ZBTB20: variants seen among roughly 807,000 people sequenced by gnomAD.
ZBTB20 encodes the protein zinc finger and BTB domain-containing protein 20.
ZBTB20 carries 9 observed loss-of-function variants against 56.9 expected under a neutral mutation model. The observed-to-expected ratio is 0.16, with a 90% CI of 0.10 to 0.28. ZBTB20 has a LOEUF of 0.28. Ranked by LOEUF, ZBTB20 falls within the 10% of genes least tolerant of loss-of-function variation. ZBTB20 has a pLI of 1.00. For synonymous variants in ZBTB20, 417 were observed against 420.7 expected, an observed-to-expected ratio of 0.99 and a Z score of 0.11; for missense variants, 655 against 1,003.0, an observed-to-expected ratio of 0.65 and a Z score of 4.69.
chr3:115,019,023 T>A (rs747937010), intron 2 of ZBTB20, among the ~76,000 whole-genome samples: 1 of 151,258 alleles, frequency 6.6e-6, no homozygotes, highest in Non-Finnish European at 1.5e-5. Context: ...CCCCTCCAGA[T>A]TGTGTGATTT....
chr3:114,606,176 A>T (rs1044887165), intron 6 of ZBTB20, among the ~76,000 whole-genome samples: 2 of 152,222 alleles, frequency 1.3e-5, no homozygotes, highest in African/African-American at 4.8e-5. Flanking sequence ...CCTGACAATT[A>T]TCTAATCTCT....
intron 1 of ZBTB20, among the ~76,000 whole-genome samples, chr3:115,145,196 C>A (rs2084927988): frequency 6.6e-6 from 1 of 152,170 alleles, no homozygotes; most frequent in African/African-American, 2.4e-5. Context: ...ATGTGTGCAA[C>A]AACTTTGATA....
chr3:114,614,400 A>G (rs1430070901), intron 6 of ZBTB20, among the ~76,000 whole-genome samples: 1 of 152,214 alleles, frequency 6.6e-6, no homozygotes, highest in East Asian at 1.9e-4. Flanking sequence ...GGAAAAGGTA[A>G]TATGGAAAGT....
chr3:114,407,909 TGA>T (rs1204434892), intron 7 of ZBTB20, among the ~76,000 whole-genome samples: 1 of 138,768 alleles, frequency 7.2e-6, no homozygotes, highest in Non-Finnish European at 1.5e-5. Flanking sequence ...GTAACCTATA[TGA>T]GGGGGGGGAA....
intron 4 of ZBTB20, among the ~76,000 whole-genome samples, chr3:114,869,820 T>C (rs2075916453): frequency 2.0e-5 from 3 of 152,218 alleles, no homozygotes; most frequent in Admixed American, 2.0e-4. Context: ...GGAATTCCTT[T>C]CTTACAAACA....
rs116580885 is a variant in ZBTB20, at chr3:114,437,577, T to A, written c.-254-48472A>T. Among the ~76,000 whole-genome samples the A allele has an allele frequency of 2.4e-3, 359 of 152,240 alleles. 1 individual carries two copies. The highest frequency in any genetic ancestry group is 7.8e-3 in the African/African-American group (324 of 41,552). On this transcript the variant is annotated intron_variant, in intron 7 of 11. Transcript: ENST00000675478. ...GTTAGGTAAGCATCTCTCTAGATCC[T>A]TCCAACAGCCCTGAAGATATTATTA...
chr3:114,510,862 C>T (rs1008429831), intron 6 of ZBTB20, among the ~76,000 whole-genome samples: 1 of 152,044 alleles, frequency 6.6e-6, no homozygotes, highest in Non-Finnish European at 1.5e-5. Context: ...AGAGCTCCTT[C>T]CCTATCCCGA....
intron 6 of ZBTB20, among the ~76,000 whole-genome samples, chr3:114,583,543 G>A (rs1224348920): frequency 6.6e-6 from 1 of 152,048 alleles, no homozygotes; most frequent in South Asian, 2.1e-4. Context: ...GAACGTTACA[G>A]TATGACCTAC....
chr3:115,036,825 G>T (rs1402405835), intron 2 of ZBTB20, among the ~76,000 whole-genome samples: 1 of 151,998 alleles, frequency 6.6e-6, no homozygotes, highest in Non-Finnish European at 1.5e-5. Context: ...TTCTAATTTG[G>T]CCCTGAGACT....
At chr3:114,800,561 A>G (rs2071635630) in intron 5 of ZBTB20, among the ~76,000 whole-genome samples, 1 of 151,808 alleles carries the variant, frequency 6.6e-6, no homozygotes, top group Non-Finnish European at 1.5e-5. Context: ...ACACGCACAC[A>G]AGGGAATTAT....
intron 5 of ZBTB20, among the ~76,000 whole-genome samples, chr3:114,749,792 T>C (rs768602895): frequency 3.3e-5 from 5 of 152,334 alleles, no homozygotes; most frequent in Admixed American, 6.5e-5. Flanking sequence ...ATTTAGCCTC[T>C]CTAGGTCAAG....
chr3:115,101,156 A>G (rs1227427497), intron 1 of ZBTB20, among the ~76,000 whole-genome samples: 1 of 152,224 alleles, frequency 6.6e-6, no homozygotes, highest in Admixed American at 6.6e-5. Context: ...ATAGTGGTAC[A>G]ACAACAGAAA....
intron 5 of ZBTB20, among the ~76,000 whole-genome samples, chr3:114,769,745 T>A (rs2069062175): frequency 6.6e-6 from 1 of 151,690 alleles, no homozygotes. Flanking sequence ...AGCTAAGCTA[T>A]GAGGGTGCAA....
intron 1 of ZBTB20, among the ~76,000 whole-genome samples, chr3:115,142,412 T>G (rs549340712): frequency 6.6e-6 from 1 of 152,098 alleles, no homozygotes; most frequent in African/African-American, 2.4e-5. Context: ...CCTGTAATCC[T>G]AGCTCTTTGG....
At chr3:114,506,799 G>A (rs1029745360) in intron 6 of ZBTB20, among the ~76,000 whole-genome samples, 3 of 152,072 alleles carry the variant, frequency 2.0e-5, no homozygotes, top group Admixed American at 2.0e-4. Context: ...TCTGGCCCCG[G>A]CCCACCTCTC....
At chr3:115,074,453 T>C (rs977009961) in intron 1 of ZBTB20, among the ~76,000 whole-genome samples, 2 of 152,060 alleles carry the variant, frequency 1.3e-5, no homozygotes, top group South Asian at 4.1e-4. Context: ...ATTTAGTTAG[T>C]ACAAAAAAGG....
intron 6 of ZBTB20, among the ~76,000 whole-genome samples, chr3:114,623,058 G>T (rs2058429675): frequency 6.6e-6 from 1 of 152,024 alleles, no homozygotes; most frequent in Non-Finnish European, 1.5e-5. Flanking sequence ...TTCGTCTTTT[G>T]TTTTTTCCAT....
intron 6 of ZBTB20, among the ~76,000 whole-genome samples, chr3:114,570,879 G>A (rs1055652911): frequency 1.3e-5 from 2 of 152,056 alleles, no homozygotes; most frequent in East Asian, 3.9e-4. Flanking sequence ...ATCTGAATAA[G>A]TATTTCTTAT....
At chr3:114,517,245 A>C (rs114442466) in intron 6 of ZBTB20, among the ~76,000 whole-genome samples, 62 of 152,352 alleles carry the variant, frequency 4.1e-4, no homozygotes, top group Non-Finnish European at 7.2e-4. Flanking sequence ...GGCACAGAGG[A>C]TAACATTATT....
Sources: allele counts gnomAD v4.1 joint callset (sites outside exome capture counted in the v4.1 genomes callset), GRCh38; gene constraint gnomAD v4.1.1; transcripts MANE v1.5; gene names NCBI Gene and HGNC (gene_info 2026-07-23, HGNC 2026-07-21).